The following MIPEP variants were observed in gnomAD, a reference collection of about 807,000 sequenced individuals.
MIPEP encodes the protein mitochondrial intermediate peptidase.
A neutral mutation model predicts 90.3 loss-of-function variants in MIPEP; 79 were observed. The ratio of observed to expected loss-of-function variants is 0.87; its 90% CI spans 0.73 to 1.05. MIPEP has a LOEUF of 1.05. Ranked by LOEUF, MIPEP falls within the 50% of genes least tolerant of loss-of-function variation. MIPEP has a pLI of 0.00. For missense variants in MIPEP, 940 were observed against 905.6 expected, an observed-to-expected ratio of 1.04 and a Z score of -0.49; for synonymous variants, 334 against 315.8, an observed-to-expected ratio of 1.06 and a Z score of -0.61.
intron 14 of MIPEP, among the ~76,000 whole-genome samples, chr13:23,812,215 G>A (rs74038777): frequency 0.018 from 2,753 of 152,160 alleles, 92 homozygotes; most frequent in African/African-American, 0.063. Context: ...GAAAAGGCCC[G>A]TAGGGGACGG....
intron 2 of MIPEP, among the ~76,000 whole-genome samples, chr13:23,882,853 A>G (rs1871323469): frequency 6.6e-6 from 1 of 152,140 alleles, no homozygotes; most frequent in Non-Finnish European, 1.5e-5. Flanking sequence ...ATGTAAATTT[A>G]CAACATTTTT....
chr13:23,817,590 G>GT lies in MIPEP; in HGVS notation c.1654-7667dup, dbSNP rs1187124201. On this transcript the variant is annotated intron_variant, in intron 14 of 18. Transcript: ENST00000382172. ...ATAACTTTCATGAATAATTTTTCCT[G>GT]TAACAAGAACAATAAAACATCATCC... Among the ~76,000 whole-genome samples, 4 of 151,944 alleles carry GT rather than the reference G, an allele frequency of 2.6e-5. No individual in the cohort carries two copies. In the South Asian group the frequency reaches 6.2e-4, roughly 24 times the overall value.
intron 18 of MIPEP, among the ~76,000 whole-genome samples, chr13:23,736,542 CCTGA>C (rs1415838998): frequency 2.0e-5 from 3 of 152,084 alleles, no homozygotes; most frequent in Admixed American, 6.6e-5. Flanking sequence ...ATTATTCTGG[CCTGA>C]CTAATTTAAA....
intron 14 of MIPEP, among the ~76,000 whole-genome samples, chr13:23,830,204 A>C (rs1286917356): frequency 1.3e-5 from 2 of 152,250 alleles, no homozygotes; most frequent in African/African-American, 4.8e-5. Flanking sequence ...TGACAGGAGA[A>C]TGAGTAAATA....
Position 23,805,943 on chromosome 13 carries a change from G to A in MIPEP, c.1848+7C>T, listed in dbSNP as rs1401805256. 1.2e-6 allele frequency: 2 copies of A among 1,613,358 alleles called. No homozygotes were observed. Among genetic ancestry groups the A allele is most frequent in the Non-Finnish European group, 1.7e-6 (2 of 1,179,582 alleles). ...TACACAAAACAGAAGCCAAATGCTG[G>A]ACTCACAGTATTTGGAACATATGGT... On this transcript the variant is annotated splice_region_variant and intron_variant, in intron 16 of 18. Transcript: ENST00000382172.
At chr13:23,790,165 C>T (rs1952885007) in intron 16 of MIPEP, among the ~76,000 whole-genome samples, 1 of 152,172 alleles carries the variant, frequency 6.6e-6, no homozygotes, top group Non-Finnish European at 1.5e-5. Context: ...ACTGCCAGTT[C>T]CTTCTCCTTC....
chr13:23,853,574 T>C (rs974475798), intron 10 of MIPEP, among the ~76,000 whole-genome samples: 1 of 152,036 alleles, frequency 6.6e-6, no homozygotes, highest in Admixed American at 6.6e-5. Context: ...TTTTTTTTTT[T>C]TTCTGAGACA....
At position 23,851,133 on chromosome 13, in the gene MIPEP, C is replaced by T. The variant is rs1468734926; in HGVS notation, c.1106+7727G>A. On this transcript the variant is annotated intron_variant, in intron 10 of 18. Coordinates refer to ENST00000382172, the MANE Select transcript of MIPEP (RefSeq NM_005932.4). ...CTCAGACCTCTCCCCAGGTTGCAGA[C>T]ACGACTGGCCCAGAACTGGAGAAAT... 2.0e-5 allele frequency among the ~76,000 whole-genome samples: 3 copies of T among 152,240 alleles called. No individual in the cohort carries two copies. The East Asian group carries it at 5.8e-4, about 29-fold the overall frequency.
chr13:23,861,479 C>G (rs1282046706), intron 9 of MIPEP, among the ~76,000 whole-genome samples: 1 of 152,152 alleles, frequency 6.6e-6, no homozygotes, highest in Non-Finnish European at 1.5e-5. Flanking sequence ...GACTGACATG[C>G]TACTCTACAC....
At position 23,839,637 on chromosome 13, in the gene MIPEP, A is replaced by G; in HGVS notation, c.1338+12T>C. ...CGGTTCTAGAGAGACCAGTTTATAA[A>G]GAAAGGATCACCTGATGTGGTTTGT... On this transcript the variant is annotated intron_variant, in intron 12 of 18. Coordinates refer to ENST00000382172, the MANE Select transcript of MIPEP (RefSeq NM_005932.4). 1 of 1,601,824 alleles carries G rather than the reference A, an allele frequency of 6.2e-7. No individual in the cohort carries two copies.
At chr13:23,805,252 T>C (rs1013963034) in intron 16 of MIPEP, among the ~76,000 whole-genome samples, 1 of 152,140 alleles carries the variant, frequency 6.6e-6, no homozygotes, top group African/African-American at 2.4e-5. Context: ...GTCACGGTGC[T>C]CAACTGCTCC....
At chr13:23,843,181 A>C (rs1396387737) in intron 10 of MIPEP, among the ~76,000 whole-genome samples, 1 of 152,070 alleles carries the variant, frequency 6.6e-6, no homozygotes, top group Non-Finnish European at 1.5e-5. Flanking sequence ...CATAATAGGA[A>C]TTCTAGGCAG....
intron 10 of MIPEP, among the ~76,000 whole-genome samples, chr13:23,853,752 G>C (rs1006370986): frequency 6.6e-6 from 1 of 151,934 alleles, no homozygotes; most frequent in African/African-American, 2.4e-5. Flanking sequence ...ATTTTTAGTA[G>C]AGACAGGGTT....
Position 23,889,233 on chromosome 13 carries a change from C to A in MIPEP, c.88G>T (p.Gly30Trp). Residue 30 changes from glycine (G) to tryptophan (W), a missense_variant, in exon 1 of 19, where the codon GGG (glycine) becomes TGG (tryptophan). Coordinates refer to ENST00000382172, the MANE Select transcript of MIPEP (RefSeq NM_005932.4). Reference protein sequence around the residue: ...RRAGRGSLEAGIRARRVSTSW... With the variant: ...RRAGRGSLEAWIRARRVSTSW... Reference sequence around the variant, plus strand: ...GTGCTGACCCTTCGGGCCCGGATCCCGGCTTCGAGGCTTCCCCGGCCCGCC... The same window carrying A: ...GTGCTGACCCTTCGGGCCCGGATCCAGGCTTCGAGGCTTCCCCGGCCCGCC... The A allele has an allele frequency of 1.4e-6, 2 of 1,410,088 alleles. No individual in the cohort carries two copies. Among genetic ancestry groups the A allele is most frequent in the Non-Finnish European group, 9.2e-7 (1 of 1,083,846 alleles). The allele number at this position is 1,410,088 out of a possible 1,614,324, so 87.3% of individuals were successfully genotyped here. A position where few individuals can be genotyped will look rare whatever the true frequency, so the allele number is the denominator to read the frequency against.
chr13:23,790,729 T>C (rs146475022), intron 16 of MIPEP, among the ~76,000 whole-genome samples: 9 of 152,328 alleles, frequency 5.9e-5, no homozygotes, highest in Admixed American at 2.0e-4. Flanking sequence ...CCTGCTGACA[T>C]CTTCATTCAG....
intron 14 of MIPEP, among the ~76,000 whole-genome samples, chr13:23,816,632 G>T (rs1306332708): frequency 2.0e-5 from 3 of 152,186 alleles, no homozygotes; most frequent in Non-Finnish European, 4.4e-5. Context: ...CAGTGACTTT[G>T]AAGTTATTCT....
chr13:23,781,353 T>G (rs1284971355), intron 16 of MIPEP, among the ~76,000 whole-genome samples: 1 of 152,094 alleles, frequency 6.6e-6, no homozygotes, highest in African/African-American at 2.4e-5. Flanking sequence ...CCAGCCAAAC[T>G]AAGCTTCATA....
intron 15 of MIPEP, among the ~76,000 whole-genome samples, chr13:23,808,094 T>TG (rs1461360893): frequency 6.6e-6 from 1 of 151,226 alleles, no homozygotes; most frequent in Non-Finnish European, 1.5e-5. Flanking sequence ...TTAAAAACAG[T>TG]GTTTTTTTTT....
intron 14 of MIPEP, among the ~76,000 whole-genome samples, chr13:23,810,467 C>T (rs968569308): frequency 2.0e-5 from 3 of 152,106 alleles, no homozygotes; most frequent in African/African-American, 4.8e-5. Flanking sequence ...GTTTAATGTC[C>T]CTATGTGATT....
Sources: gnomAD v4.1 joint callset for allele counts (sites outside exome capture counted in the v4.1 genomes callset) on GRCh38, gnomAD v4.1.1 for gene constraint, MANE v1.5 for transcripts, NCBI Gene and HGNC (gene_info 2026-07-23, HGNC 2026-07-21) for gene names.